CYP39A1: variants seen among roughly 807,000 people sequenced by gnomAD.
CYP39A1 encodes 24-hydroxycholesterol 7-alpha-hydroxylase.
In CYP39A1, 49 loss-of-function variants were observed where a neutral mutation model predicts 58.1. The observed-to-expected ratio is 0.84, with a 90% CI of 0.67 to 1.07. The LOEUF (loss-of-function observed/expected upper bound fraction) is 1.07, where lower values mean the gene tolerates loss of function less well. CYP39A1 is among the 50% of genes least tolerant of loss of function. The probability of loss-of-function intolerance (pLI) is 0.00; values close to 1 mark genes in which losing one functional copy is unlikely to be tolerated. For missense variants in CYP39A1, 531 were observed against 539.4 expected, an observed-to-expected ratio of 0.98 and a Z score of 0.16; for synonymous variants, 209 against 187.6, an observed-to-expected ratio of 1.11 and a Z score of -0.93.
At chr6:46,559,482 C>A (rs1770851532) in intron 10 of CYP39A1, among the ~76,000 whole-genome samples, 1 of 152,168 alleles carries the variant, frequency 6.6e-6, no homozygotes, top group Non-Finnish European at 1.5e-5. Context: ...TATTTCCCTA[C>A]CTATGCTGTA....
At chr6:46,611,413 A>C (rs1774205418) in intron 7 of CYP39A1, among the ~76,000 whole-genome samples, 1 of 152,202 alleles carries the variant, frequency 6.6e-6, no homozygotes, top group African/African-American at 2.4e-5. Flanking sequence ...TATTACATCC[A>C]ATGGAAGATA....
In CYP39A1 at chr6:46,560,006, A is replaced by G. The variant is rs1477581599; in HGVS notation, c.1251-6152T>C. On this transcript the variant is annotated intron_variant, in intron 10 of 11. Transcript: ENST00000275016. ...AGTAGAATGCATTCTAGAATAATAA[A>G]TAAGAACAGGAAAGAAAGTTGATGG... Among the ~76,000 whole-genome samples, 4 of 152,222 alleles carry G rather than the reference A, an allele frequency of 2.6e-5. No individual in the cohort carries two copies. In the South Asian group the frequency reaches 6.2e-4, roughly 24 times the overall value.
At chr6:46,635,324 G>A (rs1188740225) in intron 5 of CYP39A1, among the ~76,000 whole-genome samples, 1 of 152,130 alleles carries the variant, frequency 6.6e-6, no homozygotes, top group Non-Finnish European at 1.5e-5. Flanking sequence ...GAGGCCAAGA[G>A]ACTAGGTACT....
At chr6:46,608,910 G>A (rs1282401220) in intron 7 of CYP39A1, among the ~76,000 whole-genome samples, 1 of 151,936 alleles carries the variant, frequency 6.6e-6, no homozygotes, top group Non-Finnish European at 1.5e-5. Context: ...CATCGTGCCT[G>A]GCCTACAACA....
chr6:46,636,135 A>C (rs1775970951), intron 5 of CYP39A1, among the ~76,000 whole-genome samples: 1 of 152,188 alleles, frequency 6.6e-6, no homozygotes, highest in Non-Finnish European at 1.5e-5. Context: ...ATAACACAGA[A>C]ATCAATACGG....
At chr6:46,574,492 GATA>G (rs1339234397) in intron 10 of CYP39A1, among the ~76,000 whole-genome samples, 1 of 152,182 alleles carries the variant, frequency 6.6e-6, no homozygotes, top group Non-Finnish European at 1.5e-5. Flanking sequence ...GTGATGAGGA[GATA>G]ATAACCTATG....
chr6:46,644,759 C>T lies in CYP39A1; in HGVS notation c.178-2461G>A, dbSNP rs1222068774. On this transcript the variant is annotated intron_variant, in intron 1 of 11. Transcript: ENST00000275016. Reference sequence around the variant, plus strand: ...GTGGCTGTACCATTTTATATTTCCACCATATGTATAAGTAATCCAGTTTCT... The same window carrying T: ...GTGGCTGTACCATTTTATATTTCCATCATATGTATAAGTAATCCAGTTTCT... 4.6e-5 allele frequency among the ~76,000 whole-genome samples: 7 copies of T among 152,260 alleles called. No individual in the cohort carries two copies. In the East Asian group the frequency reaches 1.4e-3, roughly 29 times the overall value.
chr6:46,640,875 C>T (rs895192930), intron 2 of CYP39A1, among the ~76,000 whole-genome samples: 18 of 149,476 alleles, frequency 1.2e-4, no homozygotes, highest in Middle Eastern at 3.6e-3. Flanking sequence ...CATCCTATTA[C>T]GTGTAAGATA....
chr6:46,553,924 T>G, intron 10 of CYP39A1, 70 bp from the exon 11 acceptor site: 2 of 954,824 alleles, frequency 2.1e-6, no homozygotes, highest in Admixed American at 2.3e-5. Flanking sequence ...AGAGAATATC[T>G]AGAAAGCATA....
At chr6:46,615,237 ATATAT>A (rs10600937) in intron 7 of CYP39A1, among the ~76,000 whole-genome samples, 15,172 of 151,144 alleles carry the variant, frequency 0.1, 1,342 homozygotes, top group African/African-American at 0.22. Context: ...AGTATAAAAA[ATATAT>A]TATATCATTA....
intron 10 of CYP39A1, among the ~76,000 whole-genome samples, chr6:46,555,540 C>T (rs969087373): frequency 2.6e-5 from 4 of 152,152 alleles, no homozygotes; most frequent in African/African-American, 9.6e-5. Flanking sequence ...TTCCACCTGT[C>T]TCTGTATTTC....
At chr6:46,602,544 A>G (rs1389736171) in intron 7 of CYP39A1, among the ~76,000 whole-genome samples, 1 of 151,894 alleles carries the variant, frequency 6.6e-6, no homozygotes, top group East Asian at 1.9e-4. Flanking sequence ...TGGGCGTGGT[A>G]GCTCATGCCT....
chr6:46,551,378 A>AAC (rs895047421), intron 11 of CYP39A1, among the ~76,000 whole-genome samples: 23 of 151,756 alleles, frequency 1.5e-4, no homozygotes, highest in Admixed American at 3.3e-4. Context: ...TGAAAAAAAA[A>AAC]AAAAAACAAC....
In CYP39A1 at chr6:46,623,091, C is replaced by T. The variant is rs772677883; in HGVS notation, c.931+2327G>A. Among the ~76,000 whole-genome samples, 6 of 152,220 alleles carry T rather than the reference C, an allele frequency of 3.9e-5. No homozygotes were observed. The East Asian group carries it at 5.8e-4, about 15-fold the overall frequency. ...TCCCAAGAAGGAAATGGTGATCTTG[C>T]GGGAGACAAGAGCATAGAACAGAAA... On this transcript the variant is annotated intron_variant, in intron 7 of 11. Transcript: ENST00000275016.
intron 7 of CYP39A1, among the ~76,000 whole-genome samples, chr6:46,597,126 G>C (rs1394575626): frequency 6.6e-6 from 1 of 152,028 alleles, no homozygotes; most frequent in Non-Finnish European, 1.5e-5. Flanking sequence ...AACCTTTTCT[G>C]TCAGTATAGA....
rs1773150266 is a variant in CYP39A1, at chr6:46,596,219, CAAGTA to C, written c.932-104_932-100del. 4 of 825,024 alleles carry C rather than the reference CAAGTA, an allele frequency of 4.8e-6. No individual in the cohort carries two copies. The South Asian group carries it at 9.1e-5, about 19-fold the overall frequency. The allele number at this position is 825,024 out of a possible 1,614,324, so 51.1% of individuals were successfully genotyped here. On this transcript the variant is annotated intron_variant, in intron 7 of 11. Coordinates refer to ENST00000275016, the MANE Select transcript of CYP39A1 (RefSeq NM_016593.5). ...AGAGGTTAGATGTTGCCTCTGACAGCAAGTAAAGTGTTCCTATTACTATTACCTAT... is the reference window on the plus strand; with the variant it reads ...AGAGGTTAGATGTTGCCTCTGACAGCAAGTGTTCCTATTACTATTACCTAT...
At chr6:46,610,847 A>T (rs1774173757) in intron 7 of CYP39A1, among the ~76,000 whole-genome samples, 1 of 152,176 alleles carries the variant, frequency 6.6e-6, no homozygotes, top group Non-Finnish European at 1.5e-5. Flanking sequence ...TACATATTTT[A>T]AAAATCTTGT....
intron 10 of CYP39A1, among the ~76,000 whole-genome samples, chr6:46,558,952 C>T (rs931647535): frequency 1.4e-5 from 2 of 147,994 alleles, no homozygotes; most frequent in Admixed American, 6.8e-5. Context: ...GCCGAGATCG[C>T]GCCACTGCGC....
intron 4 of CYP39A1, 103 bp downstream of exon 4, chr6:46,637,726 C>T: frequency 8.0e-7 from 1 of 1,250,840 alleles, no homozygotes; most frequent in Admixed American, 2.5e-5. Flanking sequence ...GGCTTCTCTC[C>T]CACTTAAACT....
Sources: gnomAD v4.1 joint callset for allele counts (sites outside exome capture counted in the v4.1 genomes callset) on GRCh38, gnomAD v4.1.1 for gene constraint, MANE v1.5 for transcripts, NCBI Gene and HGNC (gene_info 2026-07-23, HGNC 2026-07-21) for gene names.